Variants in GAK observed in about 807,000 individuals in gnomAD.
GAK encodes the protein cyclin G associated kinase.
GAK carries 79 observed loss-of-function variants against 143.9 expected under a neutral mutation model. The observed-to-expected ratio is 0.55, with a 90% CI of 0.46 to 0.66. The LOEUF is 0.66. GAK is among the 30% of genes least tolerant of loss of function. GAK has a pLI of 0.00. For synonymous variants in GAK, 881 were observed against 765.5 expected, an observed-to-expected ratio of 1.15 and a Z score of -2.49; for missense variants, 1,693 against 1,779.7, an observed-to-expected ratio of 0.95 and a Z score of 0.88.
chr4:869,345 AC>A (rs1393001277), intron 19 of GAK: 1 of 151,618 alleles, frequency 6.6e-6, no homozygotes, highest in East Asian at 2.0e-4. Context: ...ACACGAATGC[AC>A]ACACAGCACA....
intron 24 of GAK, among the ~76,000 whole-genome samples, chr4:856,316 TCA>T (rs1491382107): frequency 1.6e-5 from 2 of 127,736 alleles, no homozygotes; most frequent in Admixed American, 1.5e-4. Context: ...CCACAGCTGC[TCA>T]CACCTGCTCA....
Position 849,405 on chromosome 4 carries a change from G to T in GAK, c.*268C>A. ...TGCCGGGGCTCCAGAGGCCACGCCC[G>T]AAACACCAAATAAATCACAGACGTG... On this transcript the variant is annotated 3_prime_UTR_variant, in exon 28 of 28. Transcript: ENST00000314167. 1 of 518,638 alleles carries T rather than the reference G, an allele frequency of 1.9e-6. No homozygotes were observed. The highest frequency in any genetic ancestry group is 3.2e-5 in the East Asian group (1 of 31,326). 32.1% of individuals were successfully genotyped at this position (518,638 alleles called of 1,614,324 possible).
At chr4:894,224 GAAC>G (rs919969032) in intron 7 of GAK, 3 of 520,780 alleles carry the variant, frequency 5.8e-6, no homozygotes, top group South Asian at 3.2e-5. Context: ...GGGCCTGCGG[GAAC>G]AACAGGGGTG....
intron 24 of GAK, among the ~76,000 whole-genome samples, chr4:856,321 CCTGCTCACCACAG>C (rs1241171502): frequency 5.3e-4 from 73 of 136,902 alleles, no homozygotes; most frequent in African/African-American, 2.1e-3. Flanking sequence ...GCTGCTCACA[CCTGCTCACCACAG>C]CTGCTCACAC....
At chr4:889,180 C>T (rs1366551882) in intron 10 of GAK, among the ~76,000 whole-genome samples, 2 of 152,156 alleles carry the variant, frequency 1.3e-5, no homozygotes, top group Non-Finnish European at 1.5e-5. Context: ...ACGTACCCAG[C>T]GGGAAGCCAG....
chr4:871,446 G>A (rs891204903), intron 18 of GAK, among the ~76,000 whole-genome samples: 2 of 152,206 alleles, frequency 1.3e-5, no homozygotes, highest in Non-Finnish European at 2.9e-5. Flanking sequence ...GACGACGTCC[G>A]CCCTGACAAA....
intron 4 of GAK, among the ~76,000 whole-genome samples, chr4:905,366 G>A (rs572082920): frequency 6.6e-6 from 1 of 152,302 alleles, no homozygotes; most frequent in South Asian, 2.1e-4. Context: ...ACTCTCTACG[G>A]TTAACATCAT....
intron 1 of GAK, among the ~76,000 whole-genome samples, chr4:930,069 C>T (rs1297686104): frequency 6.6e-6 from 1 of 152,210 alleles, no homozygotes; most frequent in Non-Finnish European, 1.5e-5. Flanking sequence ...GAAGTGTAAA[C>T]ATCTGTACTC....
chr4:902,579 C>A (rs1402569941), intron 5 of GAK, among the ~76,000 whole-genome samples: 1 of 93,324 alleles, frequency 1.1e-5, no homozygotes, highest in African/African-American at 5.9e-5. Flanking sequence ...CCAGCCTGGG[C>A]TGTAGAGTGA....
intron 5 of GAK, among the ~76,000 whole-genome samples, chr4:903,558 T>G (rs1183112312): frequency 2.9e-5 from 4 of 137,172 alleles, no homozygotes; most frequent in Admixed American, 7.0e-5. Context: ...GAGCAGGAGT[T>G]GGGGGCCTGG....
intron 10 of GAK, among the ~76,000 whole-genome samples, chr4:889,740 C>A (rs1406062153): frequency 6.6e-6 from 1 of 152,216 alleles, no homozygotes. Flanking sequence ...CAGCGCCATG[C>A]AGAGCTGCAG....
chr4:856,165 CCACCACAGCTGCTCACACCTGCT>C (rs1448123595), intron 24 of GAK, among the ~76,000 whole-genome samples: 6,592 of 148,158 alleles, frequency 0.044, 186 homozygotes, highest in East Asian at 0.094. Context: ...CACCTGCTCA[CCACCACAGCTGCTCACACCTGCT>C]CACCACAGCT....
At chr4:894,227 C>G (rs1429026904) in intron 7 of GAK, 45 of 333,956 alleles carry the variant, frequency 1.3e-4, no homozygotes, top group African/African-American at 1.2e-3. Context: ...CCTGCGGGAA[C>G]AACAGGGGTG....
intron 17 of GAK, 130 bp from the exon 18 acceptor site, chr4:876,739 T>G (rs1713978608): frequency 1.3e-6 from 1 of 751,910 alleles, no homozygotes; most frequent in Admixed American, 2.1e-5. Flanking sequence ...GGCGCCCCCG[T>G]GCCACATGTT....
chr4:867,667 G>A (rs1438625031), intron 20 of GAK, among the ~76,000 whole-genome samples: 3 of 150,328 alleles, frequency 2.0e-5, no homozygotes, highest in African/African-American at 7.4e-5. Flanking sequence ...CCTCGGCCCA[G>A]GGCCTTGGCA....
intron 22 of GAK, 147 bp from the exon 23 acceptor site, chr4:865,391 C>A (rs550255395): frequency 2.1e-6 from 2 of 933,310 alleles, no homozygotes; most frequent in East Asian, 5.2e-5. Flanking sequence ...CCTCTCTCTT[C>A]CTGAAGGGTC....
rs11947128 is a variant in GAK at position 868,092 on chromosome 4, G to A, written c.2395+447C>T. 5.7e-3 allele frequency among the ~76,000 whole-genome samples: 870 copies of A among 152,322 alleles called. 6 individuals carry two copies. The highest frequency in any genetic ancestry group is 0.02 in the African/African-American group (832 of 41,576). ...GCATCCCTTGGGGTGTGTCTGGGGT[G>A]AGGTCCAGTGATGGCGCCCAGGTGT... On this transcript the variant is annotated intron_variant, in intron 20 of 27. Transcript: ENST00000314167.
intron 1 of GAK, among the ~76,000 whole-genome samples, chr4:921,490 C>G: frequency 6.6e-6 from 1 of 152,108 alleles, no homozygotes; most frequent in East Asian, 1.9e-4. Context: ...CAGCCACATA[C>G]AGTAATTCAC....
intron 23 of GAK, among the ~76,000 whole-genome samples, chr4:862,731 C>T (rs939234543): frequency 2.0e-5 from 3 of 151,736 alleles, no homozygotes; most frequent in East Asian, 3.9e-4. Context: ...TGGATGGCAG[C>T]CATCTGTGTA....
Sources: gnomAD v4.1 joint callset for allele counts (sites outside exome capture counted in the v4.1 genomes callset) on GRCh38, gnomAD v4.1.1 for gene constraint, MANE v1.5 for transcripts, NCBI Gene and HGNC (gene_info 2026-07-23, HGNC 2026-07-21) for gene names.